Variants in ARCN1 observed in about 807,000 individuals in gnomAD.
ARCN1 encodes archain 1 coat protein complex I subunit delta, also known as coatomer subunit delta.
Under a neutral mutation model 60.4 loss-of-function variants are expected in ARCN1, and 5 were observed. The ratio of observed to expected loss-of-function variants is 0.08; its 90% CI spans 0.04 to 0.17. The LOEUF (loss-of-function observed/expected upper bound fraction) is 0.17. Ranked by LOEUF, ARCN1 falls within the 10% of genes least tolerant of loss-of-function variation. The pLI is 1.00. For missense variants in ARCN1, 464 were observed against 626.5 expected (o/e 0.74, Z 2.77); for synonymous variants, 224 against 220.0 (o/e 1.02, Z -0.16).
chr11:118,576,996 G>A (rs1476132856), intron 1 of ARCN1, among the ~76,000 whole-genome samples: 2 of 152,020 alleles, frequency 1.3e-5, no homozygotes, highest in Non-Finnish European at 2.9e-5. Context: ...ACCAGCCTGG[G>A]CAACATGGCA....
rs1172822943 is a variant in ARCN1 at position 118,602,494 on chromosome 11, A to G, written c.*1780A>G. On this transcript the variant is annotated 3_prime_UTR_variant, in exon 10 of 10. Transcript: ENST00000264028. The stretch of plus-strand genomic sequence containing the variant: ...GAAAAGTACCACTCCCACTCTGAAC[A>G]TCTGGCCGTCCCTGCAAAGAGTGTA... 6.5e-6 allele frequency: 1 copy of G among 153,752 alleles called. No individual in the cohort carries two copies. The highest frequency in any genetic ancestry group is 1.5e-5 in the Non-Finnish European group (1 of 68,036). The allele number at this position is 153,752 out of a possible 1,614,324, so 9.5% of individuals were successfully genotyped here.
rs1938699560 is a variant in ARCN1 at position 118,583,193 on chromosome 11, C to T, written c.282C>T (p.Cys94=). The T allele has an allele frequency of 6.2e-7, 1 of 1,613,948 alleles. No homozygotes were observed. The change falls in exon 3 of 10, where the codon TGC becomes TGT. Residue 94 remains cysteine (C), a synonymous_variant. Transcript: ENST00000264028. ...TCCACGCTTAGATCCCTGAATATTGCCGAGCCTTAGAAGAGAATGAAATAT... is the reference window on the plus strand; with the variant it reads ...TCCACGCTTAGATCCCTGAATATTGTCGAGCCTTAGAAGAGAATGAAATAT... ...RLFSRVIPEY[C]RALEENEISE...
rs145170693 is a variant in ARCN1 at position 118,592,347 on chromosome 11, C to G, written c.985-362C>G. On this transcript the variant is annotated intron_variant, in intron 6 of 9. Transcript: ENST00000264028. ...CTGCTGTCTGACCCAGGCAGCTGAT[C>G]AGGGTCTTACTGGAGCCTTCTGCTT... Among the ~76,000 whole-genome samples the G allele has an allele frequency of 3.5e-4, 54 of 152,298 alleles. 1 individual carries two copies. The East Asian group carries it at 9.8e-3, about 28-fold the overall frequency.
chr11:118,593,754 C>T (rs1938965088), intron 8 of ARCN1, 56 bp downstream of exon 8: 3 of 1,264,802 alleles, frequency 2.4e-6, no homozygotes, highest in Non-Finnish European at 3.4e-6. Flanking sequence ...TCTTTTGGAA[C>T]TCATTTTGGA....
intron 5 of ARCN1, among the ~76,000 whole-genome samples, chr11:118,585,731 GT>G: frequency 6.6e-6 from 1 of 152,168 alleles, no homozygotes; most frequent in Non-Finnish European, 1.5e-5. Context: ...TAGAGATGGG[GT>G]TTTGCCTTGT....
At position 118,601,981 on chromosome 11, in the gene ARCN1, T is replaced by G. The variant is rs1396592167; in HGVS notation, c.*1267T>G. ...ACATTCCTCAGTTTCACCACCTCCC[T>G]CTTCCAGACTGCACTCTCTGTCATC... On this transcript the variant is annotated 3_prime_UTR_variant, in exon 10 of 10. Transcript: ENST00000264028. 8.5e-6 allele frequency: 4 copies of G among 470,156 alleles called. No homozygotes were observed. Among genetic ancestry groups the G allele is most frequent in the Non-Finnish European group, 1.5e-5 (4 of 261,720 alleles). 29.1% of individuals were successfully genotyped at this position (470,156 alleles called of 1,614,324 possible).
intron 9 of ARCN1, 31 bp from the exon 10 acceptor site, chr11:118,600,594 G>A: frequency 6.6e-7 from 1 of 1,513,238 alleles, no homozygotes; most frequent in Non-Finnish European, 9.1e-7. Flanking sequence ...CAAACCTCCT[G>A]CTTTACCTTA....
intron 5 of ARCN1, among the ~76,000 whole-genome samples, chr11:118,589,227 TAGAGAG>T (rs1409121324): frequency 1.3e-5 from 2 of 152,100 alleles, no homozygotes; most frequent in Non-Finnish European, 2.9e-5. Context: ...ATATAATGTT[TAGAGAG>T]AGAGAAACAC....
In ARCN1 at chr11:118,590,554, T is replaced by G. The variant is rs781844792; in HGVS notation, c.984+48T>G. Reference sequence around the variant, plus strand: ...GAGTATTAACACTTTGTCTACCTATTATAGTCTTTCTCAACTAGAGTTCCC... The same window carrying G: ...GAGTATTAACACTTTGTCTACCTATGATAGTCTTTCTCAACTAGAGTTCCC... On this transcript the variant is annotated intron_variant, in intron 6 of 9. Transcript: ENST00000264028. The G allele has an allele frequency of 1.9e-6, 3 of 1,575,346 alleles. No individual in the cohort carries two copies. In the South Asian group the frequency reaches 3.4e-5, roughly 18 times the overall value.
At chr11:118,579,880 C>A (rs1938612956) in intron 1 of ARCN1, among the ~76,000 whole-genome samples, 1 of 152,074 alleles carries the variant, frequency 6.6e-6, no homozygotes. Context: ...CTTTTTGAAT[C>A]ATCAGTTTGG....
intron 8 of ARCN1, 126 bp from the exon 9 acceptor site, chr11:118,597,581 T>C: frequency 1.2e-6 from 1 of 857,022 alleles, no homozygotes; most frequent in Non-Finnish European, 1.8e-6. Context: ...ATTAGCCTTT[T>C]TTTCCCCTGA....
chr11:118,601,229 T>C lies in ARCN1; in HGVS notation c.*515T>C, dbSNP rs181677005. ...GGTGCACGCCACCACGCCTGGCTAA[T>C]TTTTTGTATTTTAGTAGAGACGGGG... On this transcript the variant is annotated 3_prime_UTR_variant, in exon 10 of 10. Transcript: ENST00000264028. 237 of 294,256 alleles carry C rather than the reference T, an allele frequency of 8.1e-4. 1 individual carries two copies. Among genetic ancestry groups the C allele is most frequent in the African/African-American group, 5.3e-3 (232 of 43,398 alleles). 18.2% of individuals were successfully genotyped at this position (294,256 alleles called of 1,614,324 possible). A position where few individuals can be genotyped will look rare whatever the true frequency, so the allele number is the denominator to read the frequency against.
chr11:118,598,031 T>G, intron 9 of ARCN1, 120 bp downstream of exon 9: 1 of 875,520 alleles, frequency 1.1e-6, no homozygotes, highest in Non-Finnish European at 1.7e-6. Context: ...AAAAAACTGA[T>G]GTCTCCTACA....
chr11:118,591,507 TCAGCCTGCTG>T (rs1938908025), intron 6 of ARCN1, among the ~76,000 whole-genome samples: 1 of 152,176 alleles, frequency 6.6e-6, no homozygotes, highest in Non-Finnish European at 1.5e-5. Flanking sequence ...TTCTCCTGCC[TCAGCCTGCTG>T]AGTAGCTGGG....
chr11:118,587,246 A>G (rs1938799821), intron 5 of ARCN1, among the ~76,000 whole-genome samples: 1 of 152,202 alleles, frequency 6.6e-6, no homozygotes, highest in African/African-American at 2.4e-5. Context: ...GTTAACAGTC[A>G]GAAGTCTTCC....
At chr11:118,598,560 T>C (rs1939080962) in intron 9 of ARCN1, among the ~76,000 whole-genome samples, 1 of 149,740 alleles carries the variant, frequency 6.7e-6, no homozygotes, top group Non-Finnish European at 1.5e-5. Flanking sequence ...AATGGCGCGC[T>C]GTCAGCTCAC....
chr11:118,600,009 A>G (rs573890525), intron 9 of ARCN1, among the ~76,000 whole-genome samples: 10 of 152,354 alleles, frequency 6.6e-5, no homozygotes, highest in African/African-American at 2.2e-4. Flanking sequence ...TATTGGGGCT[A>G]TTCAAAGATT....
At chr11:118,572,770 C>G in intron 1 of ARCN1, 2 of 496,640 alleles carry the variant, frequency 4.0e-6, no homozygotes, top group South Asian at 6.7e-5. Flanking sequence ...GCTTCCGCAC[C>G]ACCCCCCAAC....
Position 118,573,712 on chromosome 11 carries a change from G to T in ARCN1, c.3+1162G>T. 4 of 698,754 alleles carry T rather than the reference G, an allele frequency of 5.7e-6. No individual in the cohort carries two copies. The South Asian group carries it at 6.0e-5, about 10-fold the overall frequency. 43.3% of individuals were successfully genotyped at this position (698,754 alleles called of 1,614,324 possible). On this transcript the variant is annotated intron_variant, in intron 1 of 9. Transcript: ENST00000264028. ...AATAAGTTCTATTGACAACCCTTTA[G>T]ATAAGAACTTGGATAATGGGGGGAA... is the stretch of plus-strand genomic sequence containing the variant.
Sources: gnomAD v4.1 joint callset for allele counts (sites outside exome capture counted in the v4.1 genomes callset) on GRCh38, gnomAD v4.1.1 for gene constraint, MANE v1.5 for transcripts, NCBI Gene and HGNC (gene_info 2026-07-23, HGNC 2026-07-21) for gene names.